Variants in ASB2 observed in about 807,000 individuals in gnomAD.
ASB2 encodes ankyrin repeat and SOCS box containing 2, also known as ankyrin repeat and SOCS box protein 2.
ASB2 carries 58 observed loss-of-function variants against 62.4 expected under a neutral mutation model. The observed-to-expected ratio is 0.93, with a 90% confidence interval of 0.75 to 1.16. The LOEUF (loss-of-function observed/expected upper bound fraction) is 1.16, where lower values mean the gene tolerates loss of function less well. Ranked by LOEUF, ASB2 falls within the 50% of genes most tolerant of loss-of-function variation. ASB2 has a pLI of 0.00. For synonymous variants in ASB2, 386 were observed against 385.3 expected, an observed-to-expected ratio of 1.00 and a Z score of -0.02; for missense variants, 928 against 887.9, an observed-to-expected ratio of 1.05 and a Z score of -0.57.
intron 1 of ASB2, among the ~76,000 whole-genome samples, chr14:93,969,287 A>G (rs2141319947): frequency 6.6e-6 from 1 of 152,292 alleles, no homozygotes; most frequent in African/African-American, 2.4e-5. Context: ...CCTGGGGGAC[A>G]GGTGGTGCTG....
intron 9 of ASB2, among the ~76,000 whole-genome samples, chr14:93,935,907 G>T (rs978208805): frequency 6.6e-6 from 1 of 152,222 alleles, no homozygotes; most frequent in Non-Finnish European, 1.5e-5. Flanking sequence ...TCTCCTAAAT[G>T]CTGTGGTCTG....
intron 8 of ASB2, 121 bp downstream of exon 8, chr14:93,938,987 A>T: frequency 6.8e-6 from 6 of 878,854 alleles, no homozygotes; most frequent in Non-Finnish European, 8.1e-6. Flanking sequence ...GGTGTTAATC[A>T]CTAGTCCACG....
chr14:93,972,116 T>C lies in ASB2; in HGVS notation c.-74+4318A>G, dbSNP rs150343911. Among the ~76,000 whole-genome samples the C allele has an allele frequency of 4.0e-3, 603 of 151,288 alleles. 3 individuals carry two copies. The highest frequency in any genetic ancestry group is 0.014 in the African/African-American group (581 of 41,298). The stretch of plus-strand genomic sequence containing the variant: ...AATCTACTCCAAAAGCTTCAAGGTC[T>C]CCCAAATATCACATGACCCGTAGCT... On this transcript the variant is annotated intron_variant, in intron 1 of 9. Transcript: ENST00000555019.
In ASB2 at chr14:93,934,495, G is replaced by C; in HGVS notation, c.*161C>G. ...TGTTCTCTGCTCTGGCCAAAGCTCT[G>C]GGCCCTGAGACCCAGTGAGATCCTG... On this transcript the variant is annotated 3_prime_UTR_variant, in exon 10 of 10. Transcript: ENST00000555019. 2.6e-6 allele frequency: 1 copy of C among 379,658 alleles called. No homozygotes were observed. The highest frequency in any genetic ancestry group is 4.1e-6 in the Non-Finnish European group (1 of 243,108). The allele number at this position is 379,658 out of a possible 1,614,324, so 23.5% of individuals were successfully genotyped here. A position where few individuals can be genotyped will look rare whatever the true frequency, so the allele number is the denominator to read the frequency against.
At chr14:93,947,613 A>G in intron 6 of ASB2, 93 bp from the exon 7 acceptor site, 1 of 1,333,172 alleles carries the variant, frequency 7.5e-7, no homozygotes, top group Non-Finnish European at 1.1e-6. Context: ...TGCTGTGCTA[A>G]CCACGGTAAT....
At chr14:93,971,232 C>T (rs559145222) in intron 1 of ASB2, among the ~76,000 whole-genome samples, 3 of 152,342 alleles carry the variant, frequency 2.0e-5, no homozygotes, top group East Asian at 1.9e-4. Context: ...CAGAGCCTGC[C>T]GGGTGGTCCC....
chr14:93,975,291 T>G (rs1412593352), intron 1 of ASB2, among the ~76,000 whole-genome samples: 1 of 152,176 alleles, frequency 6.6e-6, no homozygotes, highest in Non-Finnish European at 1.5e-5. Flanking sequence ...TTACCTGCCC[T>G]CCCTAGGAGT....
rs1279094807 is a variant in ASB2, at chr14:93,939,487, G to C, written c.1238C>G (p.Ser413Cys). The C allele has an allele frequency of 1.2e-6, 2 of 1,611,330 alleles. No individual in the cohort carries two copies. The highest frequency in any genetic ancestry group is 2.2e-5 in the East Asian group (1 of 44,802). ...RARLYEDRRS[S>C]ALYFAVVNNN... is the part of the protein sequence containing the mutation. ...GTTGACCACCGCGAAGTACAGCGCGGAGCTGCGCCGGTCTTCGTAGAGGCG... is the reference window on the plus strand; with the variant it reads ...GTTGACCACCGCGAAGTACAGCGCGCAGCTGCGCCGGTCTTCGTAGAGGCG... Residue 413 changes from serine to cysteine, a missense_variant, in exon 8 of 10, where the codon TCC becomes TGC. Physicochemically the swap from Ser to Cys is moderately radical, Grantham distance 112 (BLOSUM62 -1). Transcript: ENST00000555019.
chr14:93,938,591 T>C (rs1167224355), intron 8 of ASB2, among the ~76,000 whole-genome samples: 1 of 152,148 alleles, frequency 6.6e-6, no homozygotes. Context: ...TCTGGGTCGC[T>C]GGCTTTCTGC....
chr14:93,953,817 T>A (rs2141295985), intron 4 of ASB2, among the ~76,000 whole-genome samples: 1 of 152,276 alleles, frequency 6.6e-6, no homozygotes, highest in South Asian at 2.1e-4. Flanking sequence ...TGCCATGGTT[T>A]CTTGGAGTGT....
chr14:93,947,578 A>G (rs541728273), intron 6 of ASB2, 58 bp from the exon 7 acceptor site: 17 of 1,576,252 alleles, frequency 1.1e-5, no homozygotes, highest in African/African-American at 6.7e-5. Context: ...GCTGTCCTCA[A>G]TGTAACGCCA....
chr14:93,955,368 G>A (rs545202025), intron 3 of ASB2: 8 of 346,682 alleles, frequency 2.3e-5, no homozygotes, highest in Admixed American at 1.5e-4. Flanking sequence ...GTTATTAATG[G>A]TGTCAGAGCA....
chr14:93,946,686 A>G (rs1888737683), intron 7 of ASB2, among the ~76,000 whole-genome samples: 1 of 152,136 alleles, frequency 6.6e-6, no homozygotes, highest in African/African-American at 2.4e-5. Context: ...ATGAATTCAC[A>G]TGTCTGTGCT....
At position 93,934,530 on chromosome 14, in the gene ASB2, C is replaced by T. The variant is rs1268813916; in HGVS notation, c.*126G>A. ...ACCCAGTGAGATCCTGGTAGCTGTC[C>T]AGGCTGAGAGGGAGGCAGCCTGCAG... On this transcript the variant is annotated 3_prime_UTR_variant, in exon 10 of 10. Coordinates refer to ENST00000555019, the MANE Select transcript of ASB2 (RefSeq NM_001202429.2). The T allele has an allele frequency of 3.3e-6, 3 of 915,558 alleles. No homozygotes were observed. In the African/African-American group the frequency reaches 4.9e-5, roughly 15 times the overall value. The allele number at this position is 915,558 out of a possible 1,614,324, so 56.7% of individuals were successfully genotyped here.
chr14:93,968,960 G>A (rs922043024), intron 1 of ASB2, among the ~76,000 whole-genome samples: 3 of 152,308 alleles, frequency 2.0e-5, no homozygotes, highest in Admixed American at 6.5e-5. Context: ...CTTTGAAGAG[G>A]CAAATTTCCT....
Position 93,934,234 on chromosome 14 carries a change from C to A in ASB2, c.*422G>T, listed in dbSNP as rs76565163. The stretch of plus-strand genomic sequence containing the variant: ...CCAAGACCCAGGCTCCCCCTACCCC[C>A]TACCTTGGGCCACGTCTTCATCTTA... On this transcript the variant is annotated 3_prime_UTR_variant, in exon 10 of 10. Coordinates refer to ENST00000555019, the MANE Select transcript of ASB2 (RefSeq NM_001202429.2). The A allele has an allele frequency of 7.1e-3, 3,224 of 457,208 alleles. 64 individuals carry two copies. Among genetic ancestry groups the A allele is most frequent in the African/African-American group, 0.051 (2,556 of 50,134 alleles). The allele number at this position is 457,208 out of a possible 1,614,324, so 28.3% of individuals were successfully genotyped here. A position where few individuals can be genotyped will look rare whatever the true frequency, so the allele number is the denominator to read the frequency against.
intron 3 of ASB2, among the ~76,000 whole-genome samples, chr14:93,956,158 G>C (rs915647107): frequency 6.6e-6 from 1 of 152,336 alleles, no homozygotes; most frequent in Non-Finnish European, 1.5e-5. Flanking sequence ...GGTACAGAGA[G>C]GGGAGGGAGG....
chr14:93,939,561 C>T lies in ASB2; in HGVS notation c.1164G>A (p.Leu388=). ...ERNHDEVLEA[L]LSARFDVNTP... is the part of the protein sequence containing the mutation. ...TGTTCACGTCGAAGCGCGCGCTCAG[C>T]AGCGCCTCCAGCACCTCGTCGTGGT... Residue 388 remains leucine (L), a synonymous_variant, in exon 8 of 10, where the codon CTG becomes CTA. Transcript: ENST00000555019. The T allele has an allele frequency of 1.3e-6, 2 of 1,591,628 alleles. No individual in the cohort carries two copies. The highest frequency in any genetic ancestry group is 1.7e-6 in the Non-Finnish European group (2 of 1,171,750).
intron 7 of ASB2, 58 bp from the exon 8 acceptor site, chr14:93,939,730 G>A (rs969456516): frequency 1.6e-6 from 2 of 1,279,070 alleles, no homozygotes; most frequent in African/African-American, 1.6e-5. Context: ...GACGGGTAGG[G>A]CCGGCCCCGC....
Sources: gnomAD v4.1 joint callset for allele counts (sites outside exome capture counted in the v4.1 genomes callset) on GRCh38, gnomAD v4.1.1 for gene constraint, MANE v1.5 for transcripts, NCBI Gene and HGNC (gene_info 2026-07-23, HGNC 2026-07-21) for gene names.